MAML2: variants seen among roughly 807,000 people sequenced by gnomAD.
MAML2 encodes the protein mastermind-like protein 2.
A neutral mutation model predicts 96.1 loss-of-function variants in MAML2; 22 were observed. The observed-to-expected ratio is 0.23, with a 90% CI of 0.16 to 0.33. MAML2 has a LOEUF of 0.33. MAML2 is among the 10% of genes least tolerant of loss of function. The probability of loss-of-function intolerance (pLI) is 1.00; values close to 1 mark genes in which losing one functional copy is unlikely to be tolerated. For missense variants in MAML2, 1,367 were observed against 1,392.4 expected, an observed-to-expected ratio of 0.98 and a Z score of 0.29; for synonymous variants, 561 against 521.3, an observed-to-expected ratio of 1.08 and a Z score of -1.04.
rs754575418 is a variant in MAML2, at chr11:96,093,305, C to T, written c.726G>A (p.Lys242=). The part of the protein sequence containing the change: ...TLPMSQAPLR[K]TNTLPSHTHS... Reference sequence around the variant, plus strand: ...GTGTATGGGATGGCAGAGTGTTAGTCTTTCGCAGGGGTGCTTGGCTCATAG... The same window carrying T: ...GTGTATGGGATGGCAGAGTGTTAGTTTTTCGCAGGGGTGCTTGGCTCATAG... Residue 242 remains lysine (K), a synonymous_variant, in exon 2 of 5, where the codon AAG becomes AAA. Transcript: ENST00000524717. 2.0e-5 allele frequency: 33 copies of T among 1,613,866 alleles called. No homozygotes were observed. The highest frequency in any genetic ancestry group is 2.7e-5 in the Non-Finnish European group (32 of 1,179,908).
chr11:96,011,047 G>T (rs1011422491), intron 2 of MAML2, among the ~76,000 whole-genome samples: 5 of 152,036 alleles, frequency 3.3e-5, no homozygotes, highest in Admixed American at 3.3e-4. Context: ...AGTCAGAATG[G>T]CTCTTATTAA....
In MAML2 at chr11:96,042,062, C is replaced by T. The variant is rs1463069616; in HGVS notation, c.2139+49830G>A. Among the ~76,000 whole-genome samples the T allele has an allele frequency of 3.3e-5, 5 of 151,748 alleles. No individual in the cohort carries two copies. In the South Asian group the frequency reaches 8.3e-4, roughly 25 times the overall value. On this transcript the variant is annotated intron_variant, in intron 2 of 4. Coordinates refer to ENST00000524717, the MANE Select transcript of MAML2 (RefSeq NM_032427.4). ...CACGATCTTGGCTCACTGCAAGCTCCACCTCCCGGGTTCAGGCCATTCTCC... is the reference window on the plus strand; with the variant it reads ...CACGATCTTGGCTCACTGCAAGCTCTACCTCCCGGGTTCAGGCCATTCTCC...
intron 1 of MAML2, among the ~76,000 whole-genome samples, chr11:96,327,793 C>A (rs1041234750): frequency 6.6e-6 from 1 of 152,006 alleles, no homozygotes; most frequent in South Asian, 2.1e-4. Context: ...AACTTCCGTT[C>A]ATATATATTA....
intron 1 of MAML2, among the ~76,000 whole-genome samples, chr11:96,240,993 C>T (rs578187456): frequency 8.7e-4 from 132 of 152,286 alleles, no homozygotes; most frequent in African/African-American, 2.9e-3. Context: ...AGAAACACTA[C>T]TAGACTAATA....
chr11:96,183,757 T>C (rs900957127), intron 1 of MAML2, among the ~76,000 whole-genome samples: 4 of 152,168 alleles, frequency 2.6e-5, no homozygotes, highest in Non-Finnish European at 5.9e-5. Context: ...TTAGGTTTAC[T>C]GCAAAATTGT....
chr11:95,979,126 T>C lies in MAML2; in HGVS notation c.3293A>G (p.Gln1098Arg), dbSNP rs1282636762. Residue 1098 changes from glutamine to arginine, a missense_variant, in exon 5 of 5, where the codon CAA (glutamine) becomes CGA (arginine). Gln to Arg is a conservative substitution (Grantham distance 43). Transcript: ENST00000524717. ...PSPNQSSRAF[Q>R]GTDHSSDLAF... ...TAAGTCACTGCTGTGGTCAGTTCCT[T>C]GAAAAGCCCTGGAACTTTGGTTGGG... 5.0e-6 allele frequency: 8 copies of C among 1,613,850 alleles called. No individual in the cohort carries two copies. The highest frequency in any genetic ancestry group is 6.8e-6 in the Non-Finnish European group (8 of 1,179,884).
At chr11:96,177,663 T>C (rs766747376) in intron 1 of MAML2, among the ~76,000 whole-genome samples, 1 of 152,226 alleles carries the variant, frequency 6.6e-6, no homozygotes, top group Admixed American at 6.5e-5. Flanking sequence ...TCTCTTTCTA[T>C]TATTTTCAAA....
chr11:96,036,377 T>C (rs1388474220), intron 2 of MAML2, among the ~76,000 whole-genome samples: 2 of 152,142 alleles, frequency 1.3e-5, no homozygotes, highest in Admixed American at 6.5e-5. Flanking sequence ...GAGAGGTGGA[T>C]CTTTCATTCA....
intron 1 of MAML2, among the ~76,000 whole-genome samples, chr11:96,110,117 G>A (rs902458230): frequency 1.3e-5 from 2 of 152,170 alleles, no homozygotes; most frequent in Non-Finnish European, 2.9e-5. Flanking sequence ...GAGCCATATC[G>A]GTGGCATCTG....
At chr11:96,171,307 T>A (rs1479482019) in intron 1 of MAML2, among the ~76,000 whole-genome samples, 1 of 152,162 alleles carries the variant, frequency 6.6e-6, no homozygotes, top group Admixed American at 6.5e-5. Flanking sequence ...GTGTTATACC[T>A]CCCCAAGACC....
At chr11:96,317,166 C>T (rs1361764352) in intron 1 of MAML2, among the ~76,000 whole-genome samples, 1 of 152,160 alleles carries the variant, frequency 6.6e-6, no homozygotes, top group Admixed American at 6.5e-5. Flanking sequence ...CTGGGTCACA[C>T]ATGAAGCCAA....
chr11:96,198,509 G>C (rs1002205667), intron 1 of MAML2, among the ~76,000 whole-genome samples: 2 of 152,102 alleles, frequency 1.3e-5, no homozygotes, highest in African/African-American at 4.8e-5. Flanking sequence ...AATCATCATG[G>C]GGGTAGATGG....
At chr11:96,290,214 C>G (rs1055141582) in intron 1 of MAML2, among the ~76,000 whole-genome samples, 1 of 152,158 alleles carries the variant, frequency 6.6e-6, no homozygotes, top group African/African-American at 2.4e-5. Flanking sequence ...CTCTCACTCC[C>G]AGGTAATAAG....
chr11:96,140,954 T>C (rs1423678980), intron 1 of MAML2, among the ~76,000 whole-genome samples: 3 of 152,220 alleles, frequency 2.0e-5, no homozygotes, highest in Non-Finnish European at 4.4e-5. Context: ...GTTGGCCAGA[T>C]GTAATAAGTA....
intron 1 of MAML2, among the ~76,000 whole-genome samples, chr11:96,187,026 C>CCA (rs1861586632): frequency 6.6e-6 from 1 of 152,234 alleles, no homozygotes; most frequent in Non-Finnish European, 1.5e-5. Context: ...TGCTACTGAA[C>CCA]TGTGGTCCAT....
At position 96,198,669 on chromosome 11, in the gene MAML2, G is replaced by A. The variant is rs554031552; in HGVS notation, c.514-105152C>T. Among the ~76,000 whole-genome samples the A allele has an allele frequency of 2.0e-5, 3 of 152,188 alleles. No individual in the cohort carries two copies. The South Asian group carries it at 6.2e-4, about 32-fold the overall frequency. On this transcript the variant is annotated intron_variant, in intron 1 of 4. Coordinates refer to ENST00000524717, the MANE Select transcript of MAML2 (RefSeq NM_032427.4). ...AGTAGAGAGTCTGTCACTGCCCACG[G>A]AGAGATGATTAGGCTTCCGGGAAAA...
At chr11:96,313,213 C>T (rs998814528) in intron 1 of MAML2, among the ~76,000 whole-genome samples, 2 of 152,150 alleles carry the variant, frequency 1.3e-5, no homozygotes, top group African/African-American at 2.4e-5. Context: ...GGGCTCACAA[C>T]CTGATCTATC....
chr11:96,114,472 CACCT>C (rs1270240110), intron 1 of MAML2, among the ~76,000 whole-genome samples: 1 of 152,202 alleles, frequency 6.6e-6, no homozygotes, highest in Non-Finnish European at 1.5e-5. Flanking sequence ...AAATCCACCC[CACCT>C]ATCTCTGCTT....
chr11:96,254,203 T>C (rs1862629157), intron 1 of MAML2, among the ~76,000 whole-genome samples: 1 of 152,206 alleles, frequency 6.6e-6, no homozygotes, highest in South Asian at 2.1e-4. Flanking sequence ...CTACCAGACC[T>C]ATGCAAATAG....
Sources: allele counts gnomAD v4.1 joint callset (sites outside exome capture counted in the v4.1 genomes callset), GRCh38; gene constraint gnomAD v4.1.1; transcripts MANE v1.5; gene names NCBI Gene and HGNC (gene_info 2026-07-23, HGNC 2026-07-21).